TCERG1L: variants seen among roughly 807,000 people sequenced by gnomAD.
TCERG1L encodes transcription elongation regulator 1 like, also known as transcription elongation regulator 1-like protein.
A neutral mutation model predicts 56.3 loss-of-function variants in TCERG1L; 37 were observed. The observed-to-expected ratio is 0.66, with a 90% CI of 0.51 to 0.87. TCERG1L has a LOEUF of 0.87. TCERG1L is among the 40% of genes least tolerant of loss of function. The pLI, the probability that TCERG1L is intolerant of heterozygous loss-of-function variation, is 0.00. For missense variants in TCERG1L, 799 were observed against 774.2 expected, an observed-to-expected ratio of 1.03 and a Z score of -0.38; for synonymous variants, 324 against 326.3, an observed-to-expected ratio of 0.99 and a Z score of 0.08.
chr10:131,218,461 G>A (rs1193178518), intron 4 of TCERG1L, among the ~76,000 whole-genome samples: 1 of 152,018 alleles, frequency 6.6e-6, no homozygotes, highest in Non-Finnish European at 1.5e-5. Context: ...TAAGTCCAGA[G>A]CCAGATCGCT....
chr10:131,252,758 C>T (rs982353545), intron 4 of TCERG1L, among the ~76,000 whole-genome samples: 20 of 152,168 alleles, frequency 1.3e-4, no homozygotes, highest in African/African-American at 4.1e-4. Context: ...TGGCCTGTCC[C>T]GGGAAGCAGC....
At chr10:131,307,810 T>A (rs1157269387) in intron 3 of TCERG1L, among the ~76,000 whole-genome samples, 1 of 152,180 alleles carries the variant, frequency 6.6e-6, no homozygotes, top group African/African-American at 2.4e-5. Context: ...TCACACATGT[T>A]CCTGCGTCCT....
intron 4 of TCERG1L, among the ~76,000 whole-genome samples, chr10:131,246,896 T>G (rs1846045562): frequency 6.8e-6 from 1 of 147,266 alleles, no homozygotes; most frequent in Admixed American, 6.8e-5. Context: ...TCAAACCAAA[T>G]AGCAGGCGCC....
intron 3 of TCERG1L, among the ~76,000 whole-genome samples, chr10:131,268,952 T>C (rs886202761): frequency 6.6e-6 from 1 of 152,234 alleles, no homozygotes; most frequent in African/African-American, 2.4e-5. Flanking sequence ...TTATTGTTGT[T>C]GTTCACTGGA....
chr10:131,105,444 G>A (rs1326268905), intron 9 of TCERG1L, among the ~76,000 whole-genome samples: 7 of 152,172 alleles, frequency 4.6e-5, no homozygotes, highest in African/African-American at 1.7e-4. Context: ...ATGTCCTGGG[G>A]GGGATACTCC....
At chr10:131,299,873 A>G (rs1214830330) in intron 3 of TCERG1L, among the ~76,000 whole-genome samples, 1 of 152,118 alleles carries the variant, frequency 6.6e-6, no homozygotes, top group Non-Finnish European at 1.5e-5. Flanking sequence ...TTTTGTGTAT[A>G]ATTTTACACA....
At chr10:131,179,550 G>A (rs1433473798) in intron 4 of TCERG1L, among the ~76,000 whole-genome samples, 1 of 151,930 alleles carries the variant, frequency 6.6e-6, no homozygotes, top group African/African-American at 2.4e-5. Flanking sequence ...AGCAGCCAGG[G>A]GGACTGAGCC....
rs182744293 is a variant in TCERG1L, at chr10:131,262,019, A to T, written c.671-1575T>A. On this transcript the variant is annotated intron_variant, in intron 3 of 11. Coordinates refer to ENST00000368642, the MANE Select transcript of TCERG1L (RefSeq NM_174937.4). ...GCCTTCCAGGAGCTGCAAGGAAATC[A>T]TCAGGGATGAGGTGCAGTGTTCGAG... Among the ~76,000 whole-genome samples, 5 of 152,346 alleles carry T rather than the reference A, an allele frequency of 3.3e-5. No individual in the cohort carries two copies. The East Asian group carries it at 9.6e-4, about 29-fold the overall frequency.
intron 8 of TCERG1L, among the ~76,000 whole-genome samples, chr10:131,121,788 A>C (rs1420529377): frequency 1.3e-5 from 2 of 150,326 alleles, no homozygotes; most frequent in Middle Eastern, 7.0e-3. Flanking sequence ...GCAGCCCTGC[A>C]GACGGACAGT....
At position 131,109,356 on chromosome 10, in the gene TCERG1L, C is replaced by T. The variant is rs558538504; in HGVS notation, c.1396-5002G>A. On this transcript the variant is annotated intron_variant, in intron 9 of 11. Coordinates refer to ENST00000368642, the MANE Select transcript of TCERG1L (RefSeq NM_174937.4). ...GTGACAGTGATCCTGGTGCCCGTCT[C>T]AGCACGCCTGTTGTCTGTCCCCCTG... Among the ~76,000 whole-genome samples the T allele has an allele frequency of 6.6e-4, 101 of 152,320 alleles. 1 individual carries two copies. The highest frequency in any genetic ancestry group is 2.4e-3 in the African/African-American group (100 of 41,556).
chr10:131,120,324 A>G (rs1034154178), intron 8 of TCERG1L, among the ~76,000 whole-genome samples: 2 of 151,348 alleles, frequency 1.3e-5, no homozygotes, highest in African/African-American at 4.9e-5. Flanking sequence ...GGGCACTGCA[A>G]CCCCCGCCAT....
chr10:131,256,662 G>A (rs949612888), intron 4 of TCERG1L, among the ~76,000 whole-genome samples: 1 of 152,016 alleles, frequency 6.6e-6, no homozygotes, highest in African/African-American at 2.4e-5. Context: ...GAGGTGGGCG[G>A]ATCATGAGGT....
At chr10:131,199,628 C>G (rs1391323983) in intron 4 of TCERG1L, among the ~76,000 whole-genome samples, 1 of 152,328 alleles carries the variant, frequency 6.6e-6, no homozygotes, top group African/African-American at 2.4e-5. Flanking sequence ...AAAACTATGA[C>G]AGCAGTCACG....
chr10:131,291,036 G>A (rs921074059), intron 3 of TCERG1L, among the ~76,000 whole-genome samples: 4 of 152,178 alleles, frequency 2.6e-5, no homozygotes, highest in Admixed American at 1.3e-4. Flanking sequence ...AATGTGTTCT[G>A]ATATCTGTGC....
intron 11 of TCERG1L, among the ~76,000 whole-genome samples, chr10:131,095,968 GTTTATCA>G (rs1305808119): frequency 6.6e-6 from 1 of 152,202 alleles, no homozygotes; most frequent in Non-Finnish European, 1.5e-5. Context: ...ATTGCTGCTA[GTTTATCA>G]ATAGAGAATG....
rs1292696042 is a variant in TCERG1L, at chr10:131,112,836, C to T, written c.1395+3963G>A. On this transcript the variant is annotated intron_variant, in intron 9 of 11. Transcript: ENST00000368642. The stretch of plus-strand genomic sequence containing the variant: ...GGGTGAGGAAGGTGCCCAAATTTGC[C>T]GAGCGGTAACCTTACCAAGGACTGG... Among the ~76,000 whole-genome samples the T allele has an allele frequency of 2.1e-5, 3 of 142,454 alleles. 1 individual carries two copies. Among genetic ancestry groups the T allele is most frequent in the Admixed American group, 6.9e-5 (1 of 14,514 alleles). 93.5% of individuals were successfully genotyped at this position (142,454 alleles called of 152,430 possible). A position where few individuals can be genotyped will look rare whatever the true frequency, so the allele number is the denominator to read the frequency against.
chr10:131,240,087 G>A (rs970615970), intron 4 of TCERG1L, among the ~76,000 whole-genome samples: 1 of 152,148 alleles, frequency 6.6e-6, no homozygotes, highest in African/African-American at 2.4e-5. Context: ...GGTGGGACAC[G>A]ACCCCTCCCT....
intron 3 of TCERG1L, among the ~76,000 whole-genome samples, chr10:131,302,326 ATTTG>A (rs1256084245): frequency 7.8e-6 from 1 of 128,658 alleles, no homozygotes; most frequent in African/African-American, 2.8e-5. Context: ...TTCTGCTGAA[ATTTG>A]TTTTTTTGTT....
chr10:131,198,471 G>A (rs1480181705), intron 4 of TCERG1L, among the ~76,000 whole-genome samples: 1 of 152,232 alleles, frequency 6.6e-6, no homozygotes, highest in African/African-American at 2.4e-5. Flanking sequence ...ATGCCGCACT[G>A]CCATAGCAAA....
Sources: allele counts gnomAD v4.1 joint callset (sites outside exome capture counted in the v4.1 genomes callset), GRCh38; gene constraint gnomAD v4.1.1; transcripts MANE v1.5; gene names NCBI Gene and HGNC (gene_info 2026-07-23, HGNC 2026-07-21).